The following CAMK2D variants were observed in gnomAD, a reference collection of about 807,000 sequenced individuals.
CAMK2D encodes calcium/calmodulin dependent protein kinase II delta.
In CAMK2D, 37 loss-of-function variants were observed where a neutral mutation model predicts 84.0. That is an observed-to-expected ratio of 0.44 (90% CI 0.34 to 0.58). The LOEUF (loss-of-function observed/expected upper bound fraction) is 0.58, where lower values mean the gene tolerates loss of function less well. Among genes scored for constraint, CAMK2D ranks in the 20% least tolerant of loss-of-function variants. CAMK2D has a pLI of 0.02. For missense variants in CAMK2D, 448 were observed against 652.5 expected (o/e 0.69, Z 3.41); for synonymous variants, 202 against 212.5 (o/e 0.95, Z 0.43).
rs376870081 is a variant in CAMK2D, at chr4:113,570,550, AAG to A, written c.276-18456_276-18455del. ...ATGCCAAGAATACATAAGGAGGAAA[AAG>A]AGAGTCTCTTCAGTAAGTGGTGCCA... On this transcript the variant is annotated intron_variant, in intron 4 of 20. Coordinates refer to ENST00000511664, the MANE Select transcript of CAMK2D (RefSeq NM_001321571.2). Among the ~76,000 whole-genome samples, 20 of 152,326 alleles carry A rather than the reference AAG, an allele frequency of 1.3e-4. No individual in the cohort carries two copies. In the South Asian group the frequency reaches 4.1e-3, roughly 32 times the overall value.
At position 113,520,109 on chromosome 4, in the gene CAMK2D, G is replaced by C. The variant is rs192970695; in HGVS notation, c.602-2452C>G. ...CTCTAAACAAATGCTTATTTTAAAAGTGTTTGTTGTTCTAGGCCGGGCGTG... is the reference window on the plus strand; with the variant it reads ...CTCTAAACAAATGCTTATTTTAAAACTGTTTGTTGTTCTAGGCCGGGCGTG... On this transcript the variant is annotated intron_variant, in intron 8 of 20. Coordinates refer to ENST00000511664, the MANE Select transcript of CAMK2D (RefSeq NM_001321571.2). Among the ~76,000 whole-genome samples, 916 of 143,944 alleles carry C rather than the reference G, an allele frequency of 6.4e-3. 2 individuals are homozygous for C. Among genetic ancestry groups the C allele is most frequent in the Non-Finnish European group, 9.8e-3 (618 of 63,178 alleles). The allele number at this position is 143,944 out of a possible 152,430, so 94.4% of individuals were successfully genotyped here.
chr4:113,743,739 CTT>C (rs1438114949), intron 2 of CAMK2D, among the ~76,000 whole-genome samples: 1 of 152,130 alleles, frequency 6.6e-6, no homozygotes, highest in African/African-American at 2.4e-5. Context: ...TCTTTTTCCT[CTT>C]CTTTCAAATA....
intron 3 of CAMK2D, among the ~76,000 whole-genome samples, chr4:113,612,112 T>C (rs2099002800): frequency 6.6e-6 from 1 of 152,198 alleles, no homozygotes; most frequent in Non-Finnish European, 1.5e-5. Flanking sequence ...GTAGATACTA[T>C]AGTCTTCACA....
chr4:113,544,227 A>G lies in CAMK2D; in HGVS notation c.414+3417T>C, dbSNP rs114432399. Among the ~76,000 whole-genome samples the G allele has an allele frequency of 7.7e-3, 1,168 of 152,226 alleles. 13 individuals are homozygous for G. The highest frequency in any genetic ancestry group is 0.026 in the African/African-American group (1,094 of 41,548). ...ATTGTACTGCCCCCTACTCTACATT[A>G]TATCTTATTTTCTTTATTCCCAATG... is the stretch of plus-strand genomic sequence containing the variant. On this transcript the variant is annotated intron_variant, in intron 6 of 20. Coordinates refer to ENST00000511664, the MANE Select transcript of CAMK2D (RefSeq NM_001321571.2).
intron 4 of CAMK2D, among the ~76,000 whole-genome samples, chr4:113,585,230 T>C (rs1003136031): frequency 9.9e-5 from 15 of 152,184 alleles, no homozygotes; most frequent in African/African-American, 3.6e-4. Context: ...CATTTGAATT[T>C]CAAATTCAGG....
chr4:113,730,249 T>C (rs2099561503), intron 2 of CAMK2D, among the ~76,000 whole-genome samples: 2 of 152,258 alleles, frequency 1.3e-5, no homozygotes, highest in African/African-American at 4.8e-5. Context: ...AACATACTTA[T>C]TGTTAACCTT....
At chr4:113,668,542 C>T (rs935077360) in intron 2 of CAMK2D, among the ~76,000 whole-genome samples, 1 of 152,038 alleles carries the variant, frequency 6.6e-6, no homozygotes, top group Non-Finnish European at 1.5e-5. Flanking sequence ...AACTAAATTC[C>T]TAAAAGCTAC....
chr4:113,485,621 T>C (rs1043849026), intron 16 of CAMK2D, among the ~76,000 whole-genome samples: 2 of 152,218 alleles, frequency 1.3e-5, no homozygotes, highest in African/African-American at 4.8e-5. Flanking sequence ...CAGAGTGTTC[T>C]ACCTATGGAC....
At chr4:113,591,537 G>A (rs1412852915) in intron 4 of CAMK2D, among the ~76,000 whole-genome samples, 3 of 152,126 alleles carry the variant, frequency 2.0e-5, no homozygotes, top group African/African-American at 7.2e-5. Context: ...TAGCTAGAAT[G>A]ATTTCTCTAA....
At position 113,609,221 on chromosome 4, in the gene CAMK2D, G is replaced by A; in HGVS notation, c.221-15C>T. ...ATGAAGTCGCACTAGAAAAAAATAA[G>A]AGAAGAAAAATTGTGTTATACCTAT... On this transcript the variant is annotated splice_polypyrimidine_tract_variant and intron_variant, in intron 3 of 20. Transcript: ENST00000511664. 1 of 1,502,420 alleles carries A rather than the reference G, an allele frequency of 6.7e-7. No homozygotes were observed. Among genetic ancestry groups the A allele is most frequent in the Non-Finnish European group, 9.3e-7 (1 of 1,078,724 alleles). The allele number at this position is 1,502,420 out of a possible 1,614,324, so 93.1% of individuals were successfully genotyped here.
intron 3 of CAMK2D, among the ~76,000 whole-genome samples, chr4:113,656,350 C>T (rs1326282308): frequency 2.0e-5 from 3 of 152,030 alleles, no homozygotes; most frequent in Non-Finnish European, 4.4e-5. Flanking sequence ...GTGGACCACA[C>T]CAAAGAGAGA....
intron 2 of CAMK2D, among the ~76,000 whole-genome samples, chr4:113,743,056 A>G (rs1593994634): frequency 6.6e-6 from 1 of 152,208 alleles, no homozygotes; most frequent in East Asian, 1.9e-4. Context: ...AGAAAAAGAA[A>G]TATGTTACTG....
chr4:113,502,464 A>C (rs2098064106), intron 15 of CAMK2D, among the ~76,000 whole-genome samples: 1 of 151,560 alleles, frequency 6.6e-6, no homozygotes, highest in African/African-American at 2.4e-5. Context: ...AAAACCAAAA[A>C]AAAAAAAAAC....
chr4:113,635,421 T>C (rs2099106298), intron 3 of CAMK2D, among the ~76,000 whole-genome samples: 1 of 152,206 alleles, frequency 6.6e-6, no homozygotes, highest in African/African-American at 2.4e-5. Context: ...AATAGATCCT[T>C]TATATATAGA....
intron 3 of CAMK2D, among the ~76,000 whole-genome samples, chr4:113,631,889 T>G (rs943999470): frequency 1.3e-5 from 2 of 151,906 alleles, no homozygotes; most frequent in African/African-American, 4.8e-5. Context: ...TGTGTCCTTA[T>G]AGAGTTTACA....
At chr4:113,527,973 T>C (rs1413454285) in intron 8 of CAMK2D, among the ~76,000 whole-genome samples, 1 of 152,026 alleles carries the variant, frequency 6.6e-6, no homozygotes, top group Non-Finnish European at 1.5e-5. Context: ...TTTGGCAGAG[T>C]AAAATATGAT....
chr4:113,719,506 T>TA (rs2099523834), intron 2 of CAMK2D, among the ~76,000 whole-genome samples: 1 of 152,250 alleles, frequency 6.6e-6, no homozygotes, highest in Admixed American at 6.5e-5. Flanking sequence ...GAATTGCTAT[T>TA]AAAAGCCAAT....
intron 15 of CAMK2D, among the ~76,000 whole-genome samples, chr4:113,501,418 C>T (rs1296505080): frequency 1.3e-5 from 2 of 151,960 alleles, no homozygotes; most frequent in East Asian, 1.9e-4. Context: ...TGATTAAATG[C>T]TAGAGCCAAA....
intron 16 of CAMK2D, among the ~76,000 whole-genome samples, chr4:113,468,511 A>C (rs1385432583): frequency 2.0e-5 from 3 of 152,212 alleles, no homozygotes; most frequent in Non-Finnish European, 2.9e-5. Flanking sequence ...AGGAAAGCAG[A>C]AGGCTGGAAA....
Sources: gnomAD v4.1 joint callset for allele counts (sites outside exome capture counted in the v4.1 genomes callset) on GRCh38, gnomAD v4.1.1 for gene constraint, MANE v1.5 for transcripts, NCBI Gene and HGNC (gene_info 2026-07-23, HGNC 2026-07-21) for gene names.